The following ABLIM1 variants were observed in gnomAD, a reference collection of about 807,000 sequenced individuals.
ABLIM1 encodes the protein actin binding LIM protein 1, also known as actin-binding LIM protein 1.
In ABLIM1, 40 loss-of-function variants were observed where a neutral mutation model predicts 107.0. The ratio of observed to expected loss-of-function variants is 0.37; its 90% CI spans 0.29 to 0.49. ABLIM1 has a LOEUF of 0.49. Ranked by LOEUF, ABLIM1 falls within the 20% of genes least tolerant of loss-of-function variation. ABLIM1 has a pLI of 0.97. For synonymous variants in ABLIM1, 357 were observed against 357.3 expected (o/e 1.00, Z 0.01); for missense variants, 857 against 1,008.5 (o/e 0.85, Z 2.04).
chr10:114,682,497 A>T (rs1487159210), intron 1 of ABLIM1, among the ~76,000 whole-genome samples: 1 of 152,240 alleles, frequency 6.6e-6, no homozygotes, highest in African/African-American at 2.4e-5. Flanking sequence ...AAAAAAAGCT[A>T]ATTAAAAGTA....
At position 114,441,675 on chromosome 10, in the gene ABLIM1, C is replaced by T. The variant is rs532634081; in HGVS notation, c.1998+47G>A. The T allele has an allele frequency of 8.4e-6, 13 of 1,549,604 alleles. No individual in the cohort carries two copies. The African/African-American group carries it at 9.5e-5, about 11-fold the overall frequency. ...AATGTGTCAATACTTCAACCAGGGC[C>T]GAGGTGGGAGTAAAGGCAGAAACAA... On this transcript the variant is annotated intron_variant, in intron 18 of 22. Coordinates refer to ENST00000533213, the MANE Select transcript of ABLIM1 (RefSeq NM_002313.7).
intron 1 of ABLIM1, among the ~76,000 whole-genome samples, chr10:114,741,216 C>CTT (rs751287379): frequency 0.27 from 16,001 of 59,880 alleles, 5,320 homozygotes; most frequent in Non-Finnish European, 0.38. Flanking sequence ...GACTATTCTT[C>CTT]TTTTTTTTTT....
chr10:114,451,788 T>C, intron 13 of ABLIM1, 117 bp from the exon 14 acceptor site: 1 of 847,638 alleles, frequency 1.2e-6, no homozygotes, highest in Non-Finnish European at 1.9e-6. Flanking sequence ...ACCCAGAAGG[T>C]TAATTTCTGT....
upstream of ABLIM1, among the ~76,000 whole-genome samples, chr10:114,689,612 G>A (rs886200313): frequency 1.1e-4 from 16 of 152,002 alleles, no homozygotes; most frequent in Middle Eastern, 3.4e-3. Context: ...TCCACCTATC[G>A]TGGCCTCCCA....
intron 12 of ABLIM1, among the ~76,000 whole-genome samples, chr10:114,459,795 A>G (rs2063499157): frequency 6.6e-6 from 1 of 152,240 alleles, no homozygotes; most frequent in African/African-American, 2.4e-5. Context: ...GATGTTTTTA[A>G]GTTCAGGGTC....
At chr10:114,448,157 T>C (rs1368460415) in intron 14 of ABLIM1, 137 bp from the exon 15 acceptor site, 4 of 1,096,822 alleles carry the variant, frequency 3.6e-6, no homozygotes. Context: ...CCATTATCCA[T>C]GGCCCAGTCA....
chr10:114,769,229 T>C (rs1026801341), upstream of ABLIM1, among the ~76,000 whole-genome samples: 1 of 140,924 alleles, frequency 7.1e-6, no homozygotes, highest in African/African-American at 2.7e-5. Context: ...CCGGTGCTTG[T>C]AATCCCAGCT....
chr10:114,733,284 G>A (rs989505656), intron 1 of ABLIM1, among the ~76,000 whole-genome samples: 8 of 152,004 alleles, frequency 5.3e-5, no homozygotes, highest in African/African-American at 1.7e-4. Flanking sequence ...AAGACCACAG[G>A]GAAAACAGCA....
intron 8 of ABLIM1, among the ~76,000 whole-genome samples, chr10:114,481,406 G>T (rs1361456379): frequency 6.6e-6 from 1 of 151,008 alleles, no homozygotes; most frequent in South Asian, 2.1e-4. Flanking sequence ...ATGATCTTAT[G>T]AACACTGATG....
At chr10:114,461,733 C>T (rs1398842934) in intron 12 of ABLIM1, among the ~76,000 whole-genome samples, 2 of 151,988 alleles carry the variant, frequency 1.3e-5, no homozygotes, top group African/African-American at 2.4e-5. Flanking sequence ...GCATAAGAAT[C>T]GCTTGAGCCT....
upstream of ABLIM1, among the ~76,000 whole-genome samples, chr10:114,772,359 T>C (rs143204415): frequency 0.025 from 3,811 of 151,996 alleles, 81 homozygotes; most frequent in Middle Eastern, 0.048. Context: ...CCCAGCACTA[T>C]GGGAGGCCAA....
In ABLIM1 at chr10:114,517,525, C is replaced by T. The variant is rs143140385; in HGVS notation, c.895-25647G>A. On this transcript the variant is annotated intron_variant, in intron 6 of 22. Coordinates refer to ENST00000533213, the MANE Select transcript of ABLIM1 (RefSeq NM_002313.7). ...GAAATGTGACAGAATACATTTCTGT[C>T]ATGTTTGAGCTGCCAAGTTTGTGGT... Among the ~76,000 whole-genome samples the T allele has an allele frequency of 4.3e-3, 647 of 152,118 alleles. 4 individuals are homozygous for T. The highest frequency in any genetic ancestry group is 0.015 in the African/African-American group (617 of 41,496).
intron 6 of ABLIM1, among the ~76,000 whole-genome samples, chr10:114,537,262 T>C (rs1359192704): frequency 6.6e-6 from 1 of 152,224 alleles, no homozygotes; most frequent in East Asian, 1.9e-4. Context: ...TTTTCTTTTA[T>C]TGATACATAA....
At chr10:114,476,004 G>A (rs914971324) in intron 8 of ABLIM1, among the ~76,000 whole-genome samples, 3 of 152,206 alleles carry the variant, frequency 2.0e-5, no homozygotes, top group Non-Finnish European at 2.9e-5. Flanking sequence ...CTTCAGACAA[G>A]GGTGTTGTCT....
upstream of ABLIM1, among the ~76,000 whole-genome samples, chr10:114,772,618 A>G (rs182053454): frequency 1.3e-5 from 2 of 152,206 alleles, no homozygotes; most frequent in Non-Finnish European, 2.9e-5. Context: ...AAAAAACACA[A>G]AAACCTTCAT....
At chr10:114,742,136 C>T (rs1325577688) in intron 1 of ABLIM1, among the ~76,000 whole-genome samples, 1 of 152,166 alleles carries the variant, frequency 6.6e-6, no homozygotes, top group East Asian at 1.9e-4. Flanking sequence ...AGAAAGCTAG[C>T]TTTGACTCTC....
At chr10:114,680,897 G>A (rs1217756710) in intron 1 of ABLIM1, among the ~76,000 whole-genome samples, 1 of 152,232 alleles carries the variant, frequency 6.6e-6, no homozygotes, top group Non-Finnish European at 1.5e-5. Flanking sequence ...AAAAGTGCTT[G>A]TAAATTAATT....
intron 1 of ABLIM1, among the ~76,000 whole-genome samples, chr10:114,723,537 T>C (rs1296892437): frequency 6.6e-6 from 1 of 152,222 alleles, no homozygotes; most frequent in East Asian, 1.9e-4. Flanking sequence ...AGAATGCACC[T>C]TGAACTTGAC....
chr10:114,616,820 G>GT (rs2077157925), intron 1 of ABLIM1, among the ~76,000 whole-genome samples: 1 of 152,218 alleles, frequency 6.6e-6, no homozygotes, highest in Non-Finnish European at 1.5e-5. Context: ...AGGAGGCAAT[G>GT]GGTGACCAGG....
Sources: allele counts gnomAD v4.1 joint callset (sites outside exome capture counted in the v4.1 genomes callset), GRCh38; gene constraint gnomAD v4.1.1; transcripts MANE v1.5; gene names NCBI Gene and HGNC (gene_info 2026-07-23, HGNC 2026-07-21).